The following DLG2 variants were observed in gnomAD, a reference collection of about 807,000 sequenced individuals.
DLG2 encodes the protein discs large MAGUK scaffold protein 2.
Under a neutral mutation model 132.5 loss-of-function variants are expected in DLG2, and 45 were observed. That is an observed-to-expected ratio of 0.34 (90% CI 0.27 to 0.44). The LOEUF (loss-of-function observed/expected upper bound fraction) is 0.44, where lower values mean the gene tolerates loss of function less well. Ranked by LOEUF, DLG2 falls within the 20% of genes least tolerant of loss-of-function variation. The probability of loss-of-function intolerance (pLI) is 1.00; values close to 1 mark genes in which losing one functional copy is unlikely to be tolerated. For missense variants in DLG2, 1,045 were observed against 1,196.9 expected (o/e 0.87, Z 1.87); for synonymous variants, 424 against 419.6 (o/e 1.01, Z -0.13).
chr11:83,787,512 G>A (rs1394088681), intron 17 of DLG2, among the ~76,000 whole-genome samples: 1 of 151,474 alleles, frequency 6.6e-6, no homozygotes, highest in Non-Finnish European at 1.5e-5. Context: ...CAGTAGAGAC[G>A]GGGTTTCACC....
At chr11:85,523,579 A>G (rs528778159) in intron 3 of DLG2, among the ~76,000 whole-genome samples, 45 of 152,322 alleles carry the variant, frequency 3.0e-4, no homozygotes, top group Admixed American at 2.7e-3. Context: ...ACAGGCAATA[A>G]CAAATGCTGA....
intron 9 of DLG2, among the ~76,000 whole-genome samples, chr11:84,131,364 T>C (rs894402390): frequency 1.3e-5 from 2 of 151,922 alleles, no homozygotes; most frequent in Admixed American, 1.3e-4. Flanking sequence ...GCCCTTTGAG[T>C]GGATTTGTAT....
At chr11:85,562,045 CTA>C (rs1471494295) in intron 3 of DLG2, among the ~76,000 whole-genome samples, 2 of 151,730 alleles carry the variant, frequency 1.3e-5, no homozygotes, top group African/African-American at 4.8e-5. Flanking sequence ...AACCACAGAA[CTA>C]TGTTTTCTAA....
At chr11:85,031,947 CTTTTTTTTTTTTTTT>C (rs11389028) in intron 6 of DLG2, among the ~76,000 whole-genome samples, 756 of 51,878 alleles carry the variant, frequency 0.015, 23 homozygotes, top group African/African-American at 0.057. Flanking sequence ...TGACAACTGG[CTTTTTTTTTTTTTTT>C]TTTTTTTTTT....
At position 83,721,276 on chromosome 11, in the gene DLG2, G is replaced by A. The variant is rs557392099; in HGVS notation, c.1825+65414C>T. On this transcript the variant is annotated intron_variant, in intron 18 of 27. Coordinates refer to ENST00000376104, the MANE Select transcript of DLG2 (RefSeq NM_001142699.3). ...AGACCCTTACTATTGAGTAACTACA[G>A]ACATTTTTTATTTGCATGGTTCCAA... 9.1e-4 allele frequency among the ~76,000 whole-genome samples: 138 copies of A among 152,266 alleles called. 1 individual carries two copies. The highest frequency in any genetic ancestry group is 8.9e-3 in the South Asian group (43 of 4,822).
At chr11:84,814,699 C>G (rs2076922569) in intron 6 of DLG2, among the ~76,000 whole-genome samples, 1 of 152,064 alleles carries the variant, frequency 6.6e-6, no homozygotes, top group African/African-American at 2.4e-5. Flanking sequence ...CCCACTTCAC[C>G]CCCACCTCCT....
At chr11:84,400,739 A>C (rs1381047961) in intron 7 of DLG2, among the ~76,000 whole-genome samples, 1 of 152,184 alleles carries the variant, frequency 6.6e-6, no homozygotes, top group Non-Finnish European at 1.5e-5. Flanking sequence ...AAAAAAATAC[A>C]GACTAGACAG....
intron 6 of DLG2, among the ~76,000 whole-genome samples, chr11:85,041,359 C>T (rs913093645): frequency 3.3e-5 from 5 of 151,894 alleles, no homozygotes; most frequent in Non-Finnish European, 7.4e-5. Flanking sequence ...CAAGTTTCTG[C>T]TTCATCAGCC....
At chr11:83,506,339 A>T (rs2094697943) in intron 21 of DLG2, among the ~76,000 whole-genome samples, 2 of 152,140 alleles carry the variant, frequency 1.3e-5, no homozygotes, top group Non-Finnish European at 2.9e-5. Context: ...ATCCAACTCT[A>T]TGTTCCTTCC....
At chr11:84,137,458 G>A (rs910649206) in intron 9 of DLG2, among the ~76,000 whole-genome samples, 6 of 152,090 alleles carry the variant, frequency 3.9e-5, no homozygotes, top group Admixed American at 2.6e-4. Flanking sequence ...GTGTGTATGT[G>A]TGTGCGTGCA....
intron 6 of DLG2, among the ~76,000 whole-genome samples, chr11:84,695,020 T>C (rs542518255): frequency 4.6e-5 from 7 of 151,646 alleles, no homozygotes; most frequent in African/African-American, 1.7e-4. Context: ...ATATTGATGC[T>C]TATGAATGAA....
intron 10 of DLG2, among the ~76,000 whole-genome samples, chr11:84,096,080 G>C (rs1343318446): frequency 6.6e-6 from 1 of 152,138 alleles, no homozygotes; most frequent in Non-Finnish European, 1.5e-5. Context: ...ATGATGTAGG[G>C]ATTCTACCAA....
chr11:84,014,842 T>C (rs1288032302), intron 11 of DLG2, among the ~76,000 whole-genome samples: 2 of 152,030 alleles, frequency 1.3e-5, no homozygotes, highest in African/African-American at 4.8e-5. Context: ...CAGACTTTTT[T>C]TTTTTTCTGT....
intron 9 of DLG2, among the ~76,000 whole-genome samples, chr11:84,151,985 G>A (rs1453927908): frequency 6.6e-6 from 1 of 152,148 alleles, no homozygotes; most frequent in Non-Finnish European, 1.5e-5. Context: ...ATCTTGGAGT[G>A]TGTTCCATAT....
intron 7 of DLG2, among the ~76,000 whole-genome samples, chr11:84,481,065 A>G (rs933637111): frequency 5.9e-5 from 9 of 151,936 alleles, no homozygotes; most frequent in African/African-American, 2.2e-4. Flanking sequence ...AAATAAGGAT[A>G]ATAATAACTC....
chr11:84,822,170 T>A (rs904193119), intron 6 of DLG2, among the ~76,000 whole-genome samples: 2 of 151,864 alleles, frequency 1.3e-5, no homozygotes, highest in Non-Finnish European at 2.9e-5. Context: ...CCACATCTAG[T>A]CTCTTTGAAT....
chr11:85,211,847 T>A (rs2082274227), intron 4 of DLG2, among the ~76,000 whole-genome samples: 1 of 152,152 alleles, frequency 6.6e-6, no homozygotes, highest in Non-Finnish European at 1.5e-5. Flanking sequence ...AGCTATCTCA[T>A]TAGTAGATAA....
intron 6 of DLG2, among the ~76,000 whole-genome samples, chr11:85,011,748 T>C (rs570940163): frequency 5.9e-5 from 9 of 152,304 alleles, no homozygotes; most frequent in African/African-American, 1.4e-4. Context: ...TATGCAAAGA[T>C]AGGTAAGAGA....
intron 6 of DLG2, chr11:84,923,144 C>G (rs570435058): frequency 6.2e-7 from 1 of 1,613,436 alleles, no homozygotes; most frequent in Non-Finnish European, 8.5e-7. Flanking sequence ...GCATATGGAC[C>G]GGTATTCAGC....
Sources: gnomAD v4.1 joint callset for allele counts (sites outside exome capture counted in the v4.1 genomes callset) on GRCh38, gnomAD v4.1.1 for gene constraint, MANE v1.5 for transcripts, NCBI Gene and HGNC (gene_info 2026-07-23, HGNC 2026-07-21) for gene names.